ARK2N: variants seen among roughly 807,000 people sequenced by gnomAD.
ARK2N encodes protein ARK2N.
the ARK2N span, among the ~76,000 whole-genome samples, chr18:46,246,567 G>A: frequency 1.3e-5 from 2 of 148,794 alleles, no homozygotes; most frequent in Non-Finnish European, 3.0e-5. Flanking sequence ...TAACATTCAC[G>A]AGGCAGTCTG....
the ARK2N span, among the ~76,000 whole-genome samples, chr18:46,179,696 G>A: frequency 4.7e-5 from 7 of 148,984 alleles, no homozygotes; most frequent in East Asian, 2.0e-4. Context: ...CGCCATCTCC[G>A]CTCACCGCAA....
At chr18:46,204,517 A>G in the ARK2N span, among the ~76,000 whole-genome samples, 1 of 152,312 alleles carries the variant, frequency 6.6e-6, no homozygotes, top group Admixed American at 6.5e-5. Context: ...GTTGCTTTGT[A>G]AAATAAAGCA....
At chr18:46,250,496 A>ACACACACACACACACACTCT in the ARK2N span, among the ~76,000 whole-genome samples, 1 of 150,622 alleles carries the variant, frequency 6.6e-6, no homozygotes, top group South Asian at 2.1e-4. Flanking sequence ...ATTCGTACAC[A>ACACACACACACACACACTCT]CACACACACA....
the ARK2N span, among the ~76,000 whole-genome samples, chr18:46,174,796 C>T: frequency 6.6e-6 from 1 of 152,196 alleles, no homozygotes; most frequent in Non-Finnish European, 1.5e-5. Context: ...GCAACTCCGC[C>T]AGCTCCGAGA....
chr18:46,190,092 A>T, the ARK2N span, among the ~76,000 whole-genome samples: 4 of 152,212 alleles, frequency 2.6e-5, no homozygotes, highest in African/African-American at 9.7e-5. Context: ...AGAAATCAGG[A>T]TTATACATTT....
At chr18:46,201,428 T>A in the ARK2N span, among the ~76,000 whole-genome samples, 1 of 152,244 alleles carries the variant, frequency 6.6e-6, no homozygotes, top group Non-Finnish European at 1.5e-5. Flanking sequence ...TTTGTCCATT[T>A]TGGACTTTTT....
At chr18:46,218,034 C>G in the ARK2N span, 2 of 152,132 alleles carry the variant, frequency 1.3e-5, no homozygotes, top group African/African-American at 2.4e-5. Flanking sequence ...ACTCTTAATA[C>G]AATACTTACT....
chr18:46,208,729 G>C, the ARK2N span, among the ~76,000 whole-genome samples: 2 of 152,058 alleles, frequency 1.3e-5, no homozygotes, highest in African/African-American at 4.8e-5. Context: ...TGACCTCCCA[G>C]ATGCTGGGAT....
At chr18:46,227,758 T>G in the ARK2N span, among the ~76,000 whole-genome samples, 6 of 152,198 alleles carry the variant, frequency 3.9e-5, no homozygotes, top group South Asian at 2.1e-4. Context: ...CTACCATGCC[T>G]GGCTAATTTT....
the ARK2N span, among the ~76,000 whole-genome samples, chr18:46,195,041 A>G: frequency 6.6e-6 from 1 of 151,126 alleles, no homozygotes; most frequent in South Asian, 2.1e-4. Context: ...GCCTCAAGTG[A>G]TTCAGCTGCC....
chr18:46,234,110 C>T, the ARK2N span, among the ~76,000 whole-genome samples: 1 of 152,068 alleles, frequency 6.6e-6, no homozygotes, highest in Non-Finnish European at 1.5e-5. Context: ...AATTATTCTG[C>T]ATGTATTTTC....
chr18:46,227,965 G>A, the ARK2N span, among the ~76,000 whole-genome samples: 1 of 152,194 alleles, frequency 6.6e-6, no homozygotes, highest in South Asian at 2.1e-4. Flanking sequence ...TAGAGGTAAG[G>A]TTTGAACACC....
At chr18:46,253,582 G>A in the ARK2N span, 1 of 1,311,866 alleles carries the variant, frequency 7.6e-7, no homozygotes, top group Non-Finnish European at 1.0e-6. Flanking sequence ...GCTCTCACAG[G>A]GTGATTCTGT....
the ARK2N span, among the ~76,000 whole-genome samples, chr18:46,191,435 A>G: frequency 6.6e-6 from 1 of 151,662 alleles, no homozygotes; most frequent in Non-Finnish European, 1.5e-5. Context: ...TCATGCCTCA[A>G]CCTCCCAAGG....
chr18:46,203,218 G>A, the ARK2N span, among the ~76,000 whole-genome samples: 5 of 152,158 alleles, frequency 3.3e-5, no homozygotes, highest in African/African-American at 1.2e-4. Flanking sequence ...TGCTCATGAT[G>A]TCCCAAACTG....
At chr18:46,245,995 G>A in the ARK2N span, among the ~76,000 whole-genome samples, 1 of 152,318 alleles carries the variant, frequency 6.6e-6, no homozygotes, top group East Asian at 1.9e-4. Context: ...CACAGGCAGA[G>A]ACCTACACAG....
the ARK2N span, among the ~76,000 whole-genome samples, chr18:46,198,850 G>C: frequency 1.1e-4 from 17 of 152,252 alleles, no homozygotes; most frequent in African/African-American, 3.9e-4. Flanking sequence ...ACCTGCCTCG[G>C]CCTCCCAAAG....
the ARK2N span, among the ~76,000 whole-genome samples, chr18:46,241,726 C>G: frequency 6.6e-6 from 1 of 150,898 alleles, no homozygotes; most frequent in Non-Finnish European, 1.5e-5. Context: ...CTGTATCCCC[C>G]CAAAAAAGAA....
At chr18:46,200,161 A>G in the ARK2N span, among the ~76,000 whole-genome samples, 1 of 151,832 alleles carries the variant, frequency 6.6e-6, no homozygotes, top group Non-Finnish European at 1.5e-5. Context: ...ACCAAACCTG[A>G]ATTATTCATT....
Sources: gnomAD v4.1 joint callset for allele counts (sites outside exome capture counted in the v4.1 genomes callset) on GRCh38, gnomAD v4.1.1 for gene constraint, MANE v1.5 for transcripts, NCBI Gene and HGNC (gene_info 2026-07-23, HGNC 2026-07-21) for gene names.